Variants in EXOC6B observed in about 807,000 individuals in gnomAD.
The protein encoded by EXOC6B is SEC15 homolog B.
Under a neutral mutation model 113.5 loss-of-function variants are expected in EXOC6B, and 54 were observed. The observed-to-expected ratio is 0.48, with a 90% CI of 0.38 to 0.60. The LOEUF (loss-of-function observed/expected upper bound fraction) is 0.60. EXOC6B is among the 20% of genes least tolerant of loss of function. The probability of loss-of-function intolerance (pLI) is 0.00; values close to 1 mark genes in which losing one functional copy is unlikely to be tolerated. For missense variants in EXOC6B, 797 were observed against 977.5 expected, an observed-to-expected ratio of 0.82 and a Z score of 2.46; for synonymous variants, 357 against 339.0, an observed-to-expected ratio of 1.05 and a Z score of -0.58.
At chr2:72,538,000 C>T in intron 8 of EXOC6B, among the ~76,000 whole-genome samples, 1 of 147,872 alleles carries the variant, frequency 6.8e-6, no homozygotes. Flanking sequence ...GAGACAGGAG[C>T]TAGAGTACAG....
At position 72,353,753 on chromosome 2, in the gene EXOC6B, A is replaced by G. The variant is rs1214942550; in HGVS notation, c.2123-18733T>C. On this transcript the variant is annotated intron_variant, in intron 19 of 21. Transcript: ENST00000272427. ...CAGTAAAAAGGCTTTGGAAATTAAGAAATTCCTACGATATACTATTTTAAC... is the reference window on the plus strand; with the variant it reads ...CAGTAAAAAGGCTTTGGAAATTAAGGAATTCCTACGATATACTATTTTAAC... Among the ~76,000 whole-genome samples the G allele has an allele frequency of 2.6e-5, 4 of 152,146 alleles. No individual in the cohort carries two copies. In the South Asian group the frequency reaches 8.3e-4, roughly 31 times the overall value.
intron 11 of EXOC6B, among the ~76,000 whole-genome samples, chr2:72,501,052 G>C (rs1284753501): frequency 6.6e-6 from 1 of 151,860 alleles, no homozygotes; most frequent in East Asian, 1.9e-4. Context: ...CACCACTTCC[G>C]CTTCCCCTTC....
At chr2:72,637,789 CAA>C (rs60536242) in intron 6 of EXOC6B, among the ~76,000 whole-genome samples, 6 of 96,974 alleles carry the variant, frequency 6.2e-5, no homozygotes, top group Admixed American at 1.2e-4. Context: ...GACTCTGTCT[CAA>C]AAAAAAAAAA....
intron 18 of EXOC6B, 71 bp downstream of exon 18, chr2:72,465,089 A>G: frequency 7.5e-7 from 1 of 1,335,714 alleles, no homozygotes; most frequent in Non-Finnish European, 1.0e-6. Context: ...AGAAACTAAC[A>G]TCTTTCACCA....
Position 72,773,546 on chromosome 2 carries a change from C to A in EXOC6B, c.114-32077G>T, listed in dbSNP as rs778769308. Among the ~76,000 whole-genome samples, 3 of 151,160 alleles carry A rather than the reference C, an allele frequency of 2.0e-5. No individual in the cohort carries two copies. The East Asian group carries it at 5.8e-4, about 29-fold the overall frequency. On this transcript the variant is annotated intron_variant, in intron 1 of 21. Transcript: ENST00000272427. ...AATGTGTATATATATCAAAACATCT[C>A]ATTCTATACCTTAGGTATATACTTT...
At chr2:72,320,090 C>T (rs1312412205) in intron 20 of EXOC6B, among the ~76,000 whole-genome samples, 1 of 151,768 alleles carries the variant, frequency 6.6e-6, no homozygotes, top group African/African-American at 2.4e-5. Flanking sequence ...CCACCTCAGC[C>T]TCCCAAAGTG....
In EXOC6B at chr2:72,569,961, A is replaced by G. The variant is rs191893500; in HGVS notation, c.846+5531T>C. Reference sequence around the variant, plus strand: ...ATTCTAAAATAAATCTTTTTTGTATACTTTCCAAACACCCTGTGTTATGAC... The same window carrying G: ...ATTCTAAAATAAATCTTTTTTGTATGCTTTCCAAACACCCTGTGTTATGAC... On this transcript the variant is annotated intron_variant, in intron 7 of 21. Coordinates refer to ENST00000272427, the MANE Select transcript of EXOC6B (RefSeq NM_015189.3). Among the ~76,000 whole-genome samples the G allele has an allele frequency of 6.0e-4, 92 of 152,292 alleles. No homozygotes were observed. In the Middle Eastern group the frequency reaches 0.01, roughly 17 times the overall value.
chr2:72,764,869 G>A (rs574721021), intron 1 of EXOC6B, among the ~76,000 whole-genome samples: 51 of 152,208 alleles, frequency 3.4e-4, no homozygotes, highest in African/African-American at 1.2e-3. Context: ...AAGCCAGATC[G>A]TATACTAATA....
At chr2:72,215,997 CA>C (rs929648439) in intron 20 of EXOC6B, among the ~76,000 whole-genome samples, 4 of 151,896 alleles carry the variant, frequency 2.6e-5, no homozygotes, top group Non-Finnish European at 5.9e-5. Flanking sequence ...CAAACCAAAA[CA>C]AAAAACCCTT....
intron 6 of EXOC6B, among the ~76,000 whole-genome samples, chr2:72,666,856 G>A (rs1381542514): frequency 1.3e-5 from 2 of 150,430 alleles, no homozygotes; most frequent in Non-Finnish European, 3.0e-5. Context: ...TGATAAAAGA[G>A]AGGAAAGATT....
intron 6 of EXOC6B, among the ~76,000 whole-genome samples, chr2:72,591,363 C>A (rs1281084760): frequency 6.6e-6 from 1 of 152,044 alleles, no homozygotes; most frequent in Non-Finnish European, 1.5e-5. Flanking sequence ...CTCATTTTGT[C>A]TGATATTTTA....
intron 19 of EXOC6B, among the ~76,000 whole-genome samples, chr2:72,366,280 T>TA (rs35799079): frequency 0.099 from 14,034 of 141,080 alleles, 705 homozygotes; most frequent in African/African-American, 0.14. Flanking sequence ...CATATAAAAG[T>TA]AAAAAAAAAA....
intron 8 of EXOC6B, among the ~76,000 whole-genome samples, chr2:72,538,930 G>A (rs970770462): frequency 4.6e-5 from 7 of 152,140 alleles, no homozygotes; most frequent in Admixed American, 1.3e-4. Context: ...TGGATGAGCC[G>A]CTTGAGCTGG....
At chr2:72,568,847 G>T (rs552688959) in intron 7 of EXOC6B, among the ~76,000 whole-genome samples, 120 of 151,362 alleles carry the variant, frequency 7.9e-4, no homozygotes, top group Middle Eastern at 6.8e-3. Context: ...GAAGTTTTTT[G>T]AATAATCAAT....
At chr2:72,620,298 G>T (rs1671665841) in intron 6 of EXOC6B, among the ~76,000 whole-genome samples, 1 of 152,144 alleles carries the variant, frequency 6.6e-6, no homozygotes, top group South Asian at 2.1e-4. Context: ...GTGGGTGGTG[G>T]GGGGCAGGGA....
intron 6 of EXOC6B, among the ~76,000 whole-genome samples, chr2:72,671,888 G>C (rs189107501): frequency 6.7e-6 from 1 of 149,036 alleles, no homozygotes; most frequent in Non-Finnish European, 1.5e-5. Context: ...AGGAAGGAAG[G>C]AAGGAAAAGA....
intron 1 of EXOC6B, among the ~76,000 whole-genome samples, chr2:72,759,272 T>C (rs557767368): frequency 6.6e-6 from 1 of 152,326 alleles, no homozygotes; most frequent in Admixed American, 6.5e-5. Context: ...TCTATAAATA[T>C]TAAAAATTTT....
intron 8 of EXOC6B, among the ~76,000 whole-genome samples, chr2:72,544,180 T>G (rs370970487): frequency 6.0e-4 from 91 of 152,278 alleles, no homozygotes; most frequent in African/African-American, 2.1e-3. Context: ...TGTCTAAATA[T>G]CCACTCCTGA....
intron 6 of EXOC6B, among the ~76,000 whole-genome samples, chr2:72,594,798 C>T (rs1157474731): frequency 6.6e-6 from 1 of 152,072 alleles, no homozygotes; most frequent in Non-Finnish European, 1.5e-5. Flanking sequence ...TGGATTTCTA[C>T]ACAAAAATTT....
Sources: gnomAD v4.1 joint callset for allele counts (sites outside exome capture counted in the v4.1 genomes callset) on GRCh38, gnomAD v4.1.1 for gene constraint, MANE v1.5 for transcripts, NCBI Gene and HGNC (gene_info 2026-07-23, HGNC 2026-07-21) for gene names.